The following SLC1A1 variants were observed in gnomAD, a reference collection of about 807,000 sequenced individuals.
The protein encoded by SLC1A1 is solute carrier family 1 member 1, also known as excitatory amino acid transporter 3.
Under a neutral mutation model 53.3 loss-of-function variants are expected in SLC1A1, and 43 were observed. The ratio of observed to expected loss-of-function variants is 0.81; its 90% CI spans 0.63 to 1.04. The LOEUF (loss-of-function observed/expected upper bound fraction) is 1.04. Among genes scored for constraint, SLC1A1 ranks in the 50% least tolerant of loss-of-function variants. The pLI is 0.00. For synonymous variants in SLC1A1, 307 were observed against 243.2 expected (o/e 1.26, Z -2.44); for missense variants, 748 against 664.9 (o/e 1.12, Z -1.37).
chr9:4,526,537 C>A (rs1054547870), intron 1 of SLC1A1, among the ~76,000 whole-genome samples: 1 of 152,078 alleles, frequency 6.6e-6, no homozygotes, highest in African/African-American at 2.4e-5. Context: ...GGGGAGGATG[C>A]AATGGACCCT....
intron 10 of SLC1A1, among the ~76,000 whole-genome samples, chr9:4,577,407 G>A (rs373586669): frequency 1.3e-5 from 2 of 152,240 alleles, no homozygotes; most frequent in African/African-American, 4.8e-5. Context: ...TGTCATGAAA[G>A]GTTTTGTACG....
At chr9:4,517,808 A>C (rs1466613562) in intron 1 of SLC1A1, among the ~76,000 whole-genome samples, 1 of 152,184 alleles carries the variant, frequency 6.6e-6, no homozygotes, top group Non-Finnish European at 1.5e-5. Flanking sequence ...GGGCAGAGAC[A>C]TCAAGACCAC....
chr9:4,494,183 G>A (rs1471029218), intron 1 of SLC1A1, among the ~76,000 whole-genome samples: 1 of 152,168 alleles, frequency 6.6e-6, no homozygotes, highest in African/African-American at 2.4e-5. Context: ...TGAGCACAGA[G>A]CCTGGAGTGA....
chr9:4,525,583 A>G (rs913071377), intron 1 of SLC1A1, among the ~76,000 whole-genome samples: 1 of 152,182 alleles, frequency 6.6e-6, no homozygotes, highest in Admixed American at 6.5e-5. Context: ...TATATACTAA[A>G]TATGTTTAGA....
At position 4,549,955 on chromosome 9, in the gene SLC1A1, G is replaced by A. The variant is rs1015172721; in HGVS notation, c.232+5248G>A. On this transcript the variant is annotated intron_variant, in intron 2 of 11. Transcript: ENST00000262352. The surrounding 1 kb of genome is among the most constrained non-coding windows in gnomAD (Gnocchi z 4.1). The stretch of plus-strand genomic sequence containing the variant: ...TCGCAGCTCTGGATTTCCTAAAAAC[G>A]CCTGCTCAAACAAGGGCACACACAG... 4.6e-5 allele frequency among the ~76,000 whole-genome samples: 7 copies of A among 152,046 alleles called. No homozygotes were observed. The highest frequency in any genetic ancestry group is 7.2e-5 in the African/African-American group (3 of 41,414).
Position 4,535,724 on chromosome 9 carries a change from G to A in SLC1A1, c.92-8843G>A, listed in dbSNP as rs1166402462. The stretch of plus-strand genomic sequence containing the variant: ...AAAAAACTACTTTAAAGTTCATATG[G>A]AACCAAAAAAGAGCCCACATTGCCA... On this transcript the variant is annotated intron_variant, in intron 1 of 11. Transcript: ENST00000262352. 7.9e-5 allele frequency among the ~76,000 whole-genome samples: 12 copies of A among 151,970 alleles called. 1 individual carries two copies. The highest frequency in any genetic ancestry group is 2.1e-4 in the South Asian group (1 of 4,808).
At chr9:4,572,512 A>G in intron 7 of SLC1A1, 124 bp downstream of exon 7, 4 of 881,714 alleles carry the variant, frequency 4.5e-6, no homozygotes, top group Non-Finnish European at 7.6e-6. Flanking sequence ...TTAATATTGA[A>G]CCACCAGAGT....
At chr9:4,538,280 G>T (rs1266369300) in intron 1 of SLC1A1, among the ~76,000 whole-genome samples, 1 of 152,204 alleles carries the variant, frequency 6.6e-6, no homozygotes, top group Non-Finnish European at 1.5e-5. Context: ...GTTCAGTCCA[G>T]AAAAGGCGTG....
chr9:4,532,651 C>A (rs1478320374), intron 1 of SLC1A1, among the ~76,000 whole-genome samples: 1 of 152,138 alleles, frequency 6.6e-6, no homozygotes, highest in African/African-American at 2.4e-5. Context: ...AGAATATTAT[C>A]CAGGAGAACT....
chr9:4,504,653 C>A (rs2130804555), intron 1 of SLC1A1, among the ~76,000 whole-genome samples: 1 of 152,260 alleles, frequency 6.6e-6, no homozygotes, highest in African/African-American at 2.4e-5. Flanking sequence ...AGATAAAGAT[C>A]TTGTTGTCAT....
chr9:4,491,418 G>A (rs971147504), intron 1 of SLC1A1, among the ~76,000 whole-genome samples: 10 of 152,202 alleles, frequency 6.6e-5, no homozygotes, highest in African/African-American at 2.4e-4. Flanking sequence ...GGAGGTCACC[G>A]GGGAAGAGAG....
intron 1 of SLC1A1, among the ~76,000 whole-genome samples, chr9:4,542,512 C>T (rs1817107087): frequency 1.3e-5 from 2 of 152,192 alleles, no homozygotes; most frequent in Non-Finnish European, 2.9e-5. Context: ...GTTTCTCTTG[C>T]TATTCAACAG....
Position 4,585,506 on chromosome 9 carries a change from T to A in SLC1A1, c.1523T>A (p.Phe508Tyr), listed in dbSNP as rs964404805. The A allele has an allele frequency of 9.9e-6, 16 of 1,614,092 alleles. No individual in the cohort carries two copies. The highest frequency in any genetic ancestry group is 1.4e-5 in the Non-Finnish European group (16 of 1,180,044). The change falls in exon 12 of 12, where the codon TTT becomes TAT. Residue 508 changes from phenylalanine (F) to tyrosine (Y), a missense_variant. Physicochemically the swap from Phe to Tyr is conservative, Grantham distance 22. Transcript: ENST00000262352. ...AAGAAGTCTTATGTCAATGGAGGCT[T>A]TGCAGTAGACAAGTCTGACACCATC... ...DTKKSYVNGG[F>Y]AVDKSDTISF...
chr9:4,503,757 A>G (rs1680788673), intron 1 of SLC1A1, among the ~76,000 whole-genome samples: 1 of 151,946 alleles, frequency 6.6e-6, no homozygotes, highest in South Asian at 2.1e-4. Context: ...ATGCAATACT[A>G]CACAGGTCTG....
intron 1 of SLC1A1, among the ~76,000 whole-genome samples, chr9:4,496,671 G>A (rs1820435099): frequency 6.6e-6 from 1 of 151,112 alleles, no homozygotes. Context: ...AAGGTGGGAG[G>A]ACTGCTTGAG....
intron 1 of SLC1A1, among the ~76,000 whole-genome samples, chr9:4,541,058 C>T (rs1472459669): frequency 1.3e-5 from 2 of 152,182 alleles, no homozygotes; most frequent in Non-Finnish European, 2.9e-5. Context: ...GAAGGAAGCG[C>T]AAGAATGGTG....
At chr9:4,568,450 G>C (rs1265921517) in intron 6 of SLC1A1, among the ~76,000 whole-genome samples, 1 of 151,742 alleles carries the variant, frequency 6.6e-6, no homozygotes, top group East Asian at 1.9e-4. Flanking sequence ...GCTGGGCATG[G>C]TGGCTCACAC....
At chr9:4,575,798 C>G (rs1225212118) in intron 8 of SLC1A1, among the ~76,000 whole-genome samples, 2 of 152,184 alleles carry the variant, frequency 1.3e-5, no homozygotes, top group Non-Finnish European at 2.9e-5. Context: ...GTCATTAACT[C>G]TGACAAGATG....
intron 1 of SLC1A1, among the ~76,000 whole-genome samples, chr9:4,521,916 C>A (rs771155244): frequency 3.3e-5 from 5 of 152,152 alleles, no homozygotes; most frequent in Non-Finnish European, 5.9e-5. Context: ...TTGAGGCTTG[C>A]AGCAGCATCT....
Sources: allele counts gnomAD v4.1 joint callset (sites outside exome capture counted in the v4.1 genomes callset), GRCh38; gene constraint gnomAD v4.1.1; non-coding constraint Gnocchi (gnomAD v3.1); transcripts MANE v1.5; gene names NCBI Gene and HGNC (gene_info 2026-07-23, HGNC 2026-07-21).